Variants in TMEM230 observed in about 807,000 individuals in gnomAD.
TMEM230 encodes UPF0414 transmembrane protein C20orf30.
A neutral mutation model predicts 15.8 loss-of-function variants in TMEM230; 10 were observed. The observed-to-expected ratio is 0.63, with a 90% CI of 0.39 to 1.07. The LOEUF is 1.07. Ranked by LOEUF, TMEM230 falls within the 50% of genes least tolerant of loss-of-function variation. The probability of loss-of-function intolerance (pLI) is 0.01; values close to 1 mark genes in which losing one functional copy is unlikely to be tolerated. For synonymous variants in TMEM230, 67 were observed against 76.9 expected (o/e 0.87, Z 0.68); for missense variants, 165 against 193.3 (o/e 0.85, Z 0.87).
chr20:5,082,375 G>C lies in TMEM230; in HGVS notation c.223-13026C>G, dbSNP rs373765445. Among the ~76,000 whole-genome samples the C allele has an allele frequency of 4.6e-5, 7 of 152,170 alleles. No homozygotes were observed. The South Asian group carries it at 8.3e-4, about 18-fold the overall frequency. On this transcript the variant is annotated intron_variant, in intron 3 of 3. Transcript: ENST00000612323. ...CCTGCCTCAGCCTCCCAAGTAGCTG[G>C]AACTGCAGGTGCATGCCACCATGCC...
downstream of TMEM230, among the ~76,000 whole-genome samples, chr20:5,096,093 C>G (rs1316998110): frequency 6.6e-6 from 1 of 152,226 alleles, no homozygotes; most frequent in East Asian, 1.9e-4. Context: ...GGAGCCCTGC[C>G]TGGGCTGGCA....
intron 3 of TMEM230, among the ~76,000 whole-genome samples, chr20:5,088,533 G>T (rs2089420880): frequency 6.6e-6 from 1 of 152,078 alleles, no homozygotes; most frequent in Non-Finnish European, 1.5e-5. Flanking sequence ...TGGGATTATA[G>T]GCATGAGCCT....
intron 3 of TMEM230, among the ~76,000 whole-genome samples, chr20:5,075,649 C>T (rs778401120): frequency 2.6e-5 from 4 of 151,926 alleles, no homozygotes; most frequent in African/African-American, 7.3e-5. Flanking sequence ...CTCTTGAACC[C>T]GTGAGGCAGA....
intron 3 of TMEM230, among the ~76,000 whole-genome samples, chr20:5,088,980 T>C (rs1416626756): frequency 6.6e-6 from 1 of 152,226 alleles, no homozygotes; most frequent in East Asian, 1.9e-4. Context: ...AAGTGACTAT[T>C]TTATGTTGAT....
chr20:5,065,531 G>A (rs1181034565), downstream of TMEM230, among the ~76,000 whole-genome samples: 3 of 152,098 alleles, frequency 2.0e-5, no homozygotes, highest in Non-Finnish European at 4.4e-5. Context: ...GCCAGCAGGG[G>A]AGAAGTGGCT....
intron 3 of TMEM230, among the ~76,000 whole-genome samples, chr20:5,081,370 GA>G (rs1462059858): frequency 6.6e-6 from 1 of 152,192 alleles, no homozygotes; most frequent in Non-Finnish European, 1.5e-5. Context: ...TTTCTAAGTA[GA>G]GTCTGGGAAG....
At chr20:5,080,231 T>C (rs968462641) in intron 3 of TMEM230, among the ~76,000 whole-genome samples, 1 of 152,242 alleles carries the variant, frequency 6.6e-6, no homozygotes, top group African/African-American at 2.4e-5. Context: ...CTCTGTGTCC[T>C]TAATGTAGAC....
chr20:5,067,409 TCATATATATATA>T (rs1473912587), downstream of TMEM230: 4 of 73,812 alleles, frequency 5.4e-5, no homozygotes, highest in African/African-American at 2.0e-4. Flanking sequence ...GTGTTTAGGC[TCATATATATATA>T]TATATATATA....
rs144582299 is a variant in TMEM230 at position 5,074,378 on chromosome 20, AC to A, written c.223-5030del. On this transcript the variant is annotated intron_variant, in intron 3 of 3. Coordinates refer to the TMEM230 transcript ENST00000612323. The stretch of plus-strand genomic sequence containing the variant: ...TCTGCGTAAATGAACCTTACTAGAT[AC>A]CCCTTATCTAACCTATCTATAGTTT... Among the ~76,000 whole-genome samples the A allele has an allele frequency of 7.2e-3, 1,098 of 152,178 alleles. 12 individuals carry two copies. The highest frequency in any genetic ancestry group is 0.025 in the African/African-American group (1,048 of 41,472).
chr20:5,112,649 A>C, intron 1 of TMEM230: 1 of 1,318,170 alleles, frequency 7.6e-7, no homozygotes, highest in South Asian at 1.7e-5. Flanking sequence ...AAACTCCCTC[A>C]GCACCTGAAT....
chr20:5,109,918 G>C (rs6116654), intron 2 of TMEM230, among the ~76,000 whole-genome samples: 1 of 152,218 alleles, frequency 6.6e-6, no homozygotes, highest in Non-Finnish European at 1.5e-5. Context: ...TTGTTTGACA[G>C]GGAGGGAGAA....
At chr20:5,090,859 A>C (rs2089488008) in intron 3 of TMEM230, among the ~76,000 whole-genome samples, 1 of 152,228 alleles carries the variant, frequency 6.6e-6, no homozygotes, top group Non-Finnish European at 1.5e-5. Flanking sequence ...CTAATACTGA[A>C]CAATTGTGAA....
downstream of TMEM230, chr20:5,098,424 A>T (rs1429435320): frequency 6.6e-6 from 1 of 152,202 alleles, no homozygotes; most frequent in Admixed American, 6.6e-5. Flanking sequence ...GACCCGGATT[A>T]GCTTCCAAGA....
chr20:5,099,458 C>T (rs1190567707), downstream of TMEM230, among the ~76,000 whole-genome samples: 4 of 151,136 alleles, frequency 2.6e-5, no homozygotes, highest in Non-Finnish European at 5.9e-5. Context: ...CTCTCTTTGT[C>T]CCTCACTTCC....
chr20:5,093,946 CT>C (rs879669312), intron 3 of TMEM230, among the ~76,000 whole-genome samples: 17 of 150,884 alleles, frequency 1.1e-4, no homozygotes, highest in Non-Finnish European at 1.6e-4. Context: ...GATCAGTGAG[CT>C]TTTTTTTTCC....
At chr20:5,109,096 G>A (rs1355844075) in intron 3 of TMEM230, 4 of 357,184 alleles carry the variant, frequency 1.1e-5, no homozygotes, top group Admixed American at 9.2e-5. Context: ...TAACTACAAG[G>A]CTCTCGCATT....
chr20:5,103,458 G>A (rs752213459), intron 4 of TMEM230, among the ~76,000 whole-genome samples: 14 of 151,544 alleles, frequency 9.2e-5, no homozygotes, highest in South Asian at 2.1e-4. Flanking sequence ...CTAGGAGTTC[G>A]AGATCAGCCT....
chr20:5,108,802 A>G (rs575115320), intron 3 of TMEM230, among the ~76,000 whole-genome samples: 1 of 152,342 alleles, frequency 6.6e-6, no homozygotes, highest in East Asian at 1.9e-4. Flanking sequence ...ATACAAACTT[A>G]ATAAATACTG....
chr20:5,086,393 G>A (rs1337009248), intron 3 of TMEM230, among the ~76,000 whole-genome samples: 2 of 151,734 alleles, frequency 1.3e-5, no homozygotes, highest in African/African-American at 4.8e-5. Context: ...CAAAAAATTA[G>A]CCAGGCGTGG....
Sources: gnomAD v4.1 joint callset for allele counts (sites outside exome capture counted in the v4.1 genomes callset) on GRCh38, gnomAD v4.1.1 for gene constraint, MANE v1.5 for transcripts, NCBI Gene and HGNC (gene_info 2026-07-23, HGNC 2026-07-21) for gene names.